Variants in CDH13 observed in about 807,000 individuals in gnomAD.
CDH13 encodes the protein cadherin 13.
CDH13 carries 24 observed loss-of-function variants against 63.8 expected under a neutral mutation model. The observed-to-expected ratio is 0.38, with a 90% confidence interval of 0.27 to 0.53. CDH13 has a LOEUF of 0.53. Among genes scored for constraint, CDH13 ranks in the 20% least tolerant of loss-of-function variants. CDH13 has a pLI of 0.85. For synonymous variants in CDH13, 503 were observed against 355.3 expected (o/e 1.42, Z -4.67); for missense variants, 1,049 against 903.1 (o/e 1.16, Z -2.07).
chr16:83,464,368 C>T lies in CDH13; in HGVS notation c.782-22109C>T, dbSNP rs369711064. On this transcript the variant is annotated intron_variant, in intron 6 of 13. Coordinates refer to ENST00000567109, the MANE Select transcript of CDH13 (RefSeq NM_001257.5). ...TCTTTACTAAAAATACAAAATGAGC[C>T]GGGCGTGATGGCACATCCCTGTAAT... Among the ~76,000 whole-genome samples, 10 of 151,998 alleles carry T rather than the reference C, an allele frequency of 6.6e-5. No homozygotes were observed. The South Asian group carries it at 8.4e-4, about 13-fold the overall frequency.
At chr16:82,788,701 G>A (rs906098433) in intron 1 of CDH13, among the ~76,000 whole-genome samples, 6 of 152,228 alleles carry the variant, frequency 3.9e-5, no homozygotes. Flanking sequence ...AGATCTCACA[G>A]TTAATGTCTT....
chr16:83,562,602 T>C (rs954221334), intron 7 of CDH13, among the ~76,000 whole-genome samples: 6 of 152,284 alleles, frequency 3.9e-5, no homozygotes, highest in East Asian at 3.9e-4. Flanking sequence ...ATAAAACATA[T>C]CTTAAGTGAA....
chr16:83,577,273 T>C (rs1014665797), intron 7 of CDH13, among the ~76,000 whole-genome samples: 6 of 152,208 alleles, frequency 3.9e-5, no homozygotes, highest in Non-Finnish European at 8.8e-5. Flanking sequence ...CCCTTCATGA[T>C]TTATGGATGA....
At chr16:83,441,505 T>G (rs986570966) in intron 6 of CDH13, among the ~76,000 whole-genome samples, 1 of 152,236 alleles carries the variant, frequency 6.6e-6, no homozygotes, top group Admixed American at 6.5e-5. Context: ...TCAGTGATAT[T>G]TTCTTAATGT....
intron 2 of CDH13, among the ~76,000 whole-genome samples, chr16:82,864,927 G>A: frequency 6.6e-6 from 1 of 152,198 alleles, no homozygotes; most frequent in African/African-American, 2.4e-5. Flanking sequence ...ACGGGCATTG[G>A]GTAAATACAC....
chr16:83,626,779 C>T (rs541007272), intron 8 of CDH13, among the ~76,000 whole-genome samples: 2 of 152,072 alleles, frequency 1.3e-5, no homozygotes, highest in East Asian at 3.9e-4. Flanking sequence ...TCGAGACTGC[C>T]GAGTCTCTAC....
intron 1 of CDH13, among the ~76,000 whole-genome samples, chr16:82,849,680 C>A (rs2039401605): frequency 6.6e-6 from 1 of 152,190 alleles, no homozygotes. Context: ...CTAGGACTTT[C>A]ATAGCTAGAG....
chr16:83,184,440 G>T (rs1436972302), intron 4 of CDH13, among the ~76,000 whole-genome samples: 1 of 152,128 alleles, frequency 6.6e-6, no homozygotes, highest in Admixed American at 6.5e-5. Flanking sequence ...ATATTTCACA[G>T]ATACCAAGGC....
At chr16:83,430,179 C>T (rs1362125988) in intron 6 of CDH13, among the ~76,000 whole-genome samples, 1 of 152,170 alleles carries the variant, frequency 6.6e-6, no homozygotes, top group Non-Finnish European at 1.5e-5. Flanking sequence ...CCTGTGTTCA[C>T]CACAGCAGTA....
At chr16:83,621,891 C>G (rs1909851996) in intron 8 of CDH13, among the ~76,000 whole-genome samples, 1 of 152,108 alleles carries the variant, frequency 6.6e-6, no homozygotes, top group East Asian at 1.9e-4. Context: ...AGGATAAGTT[C>G]AAGTTACCCT....
rs144766491 is a variant in CDH13, at chr16:83,786,552, T to G, written c.2134+3080T>G. Among the ~76,000 whole-genome samples, 545 of 150,990 alleles carry G rather than the reference T, an allele frequency of 3.6e-3. 4 individuals carry two copies. Among genetic ancestry groups the G allele is most frequent in the African/African-American group, 0.013 (517 of 41,008 alleles). ...TTTTGTTCTTTTTTTCTTCTTTCCT[T>G]TGTCTTTCTTTTCTTTTTTTCCTTT... On this transcript the variant is annotated intron_variant, in intron 13 of 13. Coordinates refer to ENST00000567109, the MANE Select transcript of CDH13 (RefSeq NM_001257.5).
intron 2 of CDH13, among the ~76,000 whole-genome samples, chr16:83,028,492 A>C (rs1230388241): frequency 6.6e-6 from 1 of 152,192 alleles, no homozygotes; most frequent in East Asian, 1.9e-4. Context: ...ACATGAAAAC[A>C]GGACTGAGCA....
intron 2 of CDH13, among the ~76,000 whole-genome samples, chr16:83,017,326 T>G (rs760044203): frequency 6.6e-6 from 1 of 152,176 alleles, no homozygotes; most frequent in African/African-American, 2.4e-5. Context: ...TTTTGACACC[T>G]TTTTTAGCTC....
chr16:83,363,210 G>T (rs185729424), intron 6 of CDH13, among the ~76,000 whole-genome samples: 2 of 152,144 alleles, frequency 1.3e-5, no homozygotes, highest in Non-Finnish European at 2.9e-5. Flanking sequence ...GATTTTCCTC[G>T]TATTTCTAGA....
chr16:83,296,976 T>G (rs893573737), intron 5 of CDH13, among the ~76,000 whole-genome samples: 7 of 152,200 alleles, frequency 4.6e-5, no homozygotes, highest in Admixed American at 1.3e-4. Flanking sequence ...AATAGAGGAA[T>G]GATGAGATAA....
At chr16:83,407,885 A>C (rs372865520) in intron 6 of CDH13, among the ~76,000 whole-genome samples, 16 of 152,176 alleles carry the variant, frequency 1.1e-4, no homozygotes, top group Admixed American at 5.2e-4. Flanking sequence ...CTGAGTATGC[A>C]TGGCATTTTA....
At chr16:83,289,184 A>C (rs534362100) in intron 5 of CDH13, among the ~76,000 whole-genome samples, 1 of 142,118 alleles carries the variant, frequency 7.0e-6, no homozygotes, top group African/African-American at 2.9e-5. Flanking sequence ...CTGTCTGCAT[A>C]TGAATGTGCG....
intron 3 of CDH13, among the ~76,000 whole-genome samples, chr16:83,085,986 G>T (rs7187580): frequency 6.6e-6 from 1 of 152,040 alleles, no homozygotes; most frequent in Non-Finnish European, 1.5e-5. Context: ...AGAGTTAAAC[G>T]TATTTGTCTC....
At chr16:83,761,951 C>T (rs1914007408) in intron 11 of CDH13, among the ~76,000 whole-genome samples, 1 of 152,086 alleles carries the variant, frequency 6.6e-6, no homozygotes, top group Non-Finnish European at 1.5e-5. Flanking sequence ...CCTGTAGTCC[C>T]AGCTACTCAG....
Sources: allele counts gnomAD v4.1 joint callset (sites outside exome capture counted in the v4.1 genomes callset), GRCh38; gene constraint gnomAD v4.1.1; transcripts MANE v1.5; gene names NCBI Gene and HGNC (gene_info 2026-07-23, HGNC 2026-07-21).